RAB27B: variants seen among roughly 807,000 people sequenced by gnomAD.
RAB27B encodes the protein RAB27B, member RAS oncogene family.
In RAB27B, 15 loss-of-function variants were observed where a neutral mutation model predicts 24.6. The observed-to-expected ratio is 0.61, with a 90% CI of 0.41 to 0.94. RAB27B has a LOEUF of 0.94. Ranked by LOEUF, RAB27B falls within the 40% of genes least tolerant of loss-of-function variation. RAB27B has a pLI of 0.00. For missense variants in RAB27B, 261 were observed against 266.8 expected, an observed-to-expected ratio of 0.98 and a Z score of 0.15; for synonymous variants, 105 against 92.5, an observed-to-expected ratio of 1.14 and a Z score of -0.78.
intron 2 of RAB27B, among the ~76,000 whole-genome samples, chr18:54,814,995 C>T (rs1423225073): frequency 1.3e-5 from 2 of 152,112 alleles, no homozygotes; most frequent in East Asian, 3.9e-4. Context: ...CCCAACCCCA[C>T]CCTAAGAAGT....
At chr18:54,858,157 A>G (rs748781036) in intron 1 of RAB27B, among the ~76,000 whole-genome samples, 2 of 152,238 alleles carry the variant, frequency 1.3e-5, no homozygotes, top group Admixed American at 1.3e-4. Flanking sequence ...GGACAGTGCT[A>G]ACATTCTCCT....
intron 1 of RAB27B, among the ~76,000 whole-genome samples, chr18:54,848,124 C>T (rs1911412209): frequency 6.6e-6 from 1 of 152,212 alleles, no homozygotes; most frequent in Non-Finnish European, 1.5e-5. Context: ...AACTCAGTGA[C>T]TGGCACAGGT....
rs952969679 is a variant in RAB27B, at chr18:54,895,021, C to A, written c.*5608C>A. The A allele has an allele frequency of 1.3e-5, 2 of 151,950 alleles. No homozygotes were observed. The highest frequency in any genetic ancestry group is 4.8e-5 in the African/African-American group (2 of 41,396). 9.4% of individuals were successfully genotyped at this position (151,950 alleles called of 1,614,324 possible). A position where few individuals can be genotyped will look rare whatever the true frequency, so the allele number is the denominator to read the frequency against. ...TCTAGGTAGTATATTACAAGTTGGT[C>A]AAAATATTCCATGTACAAATAGGGC... is the stretch of plus-strand genomic sequence containing the variant. On this transcript the variant is annotated 3_prime_UTR_variant, in exon 6 of 6. Coordinates refer to ENST00000262094, the MANE Select transcript of RAB27B (RefSeq NM_004163.4).
At chr18:54,801,538 A>G (rs1365561227) in intron 2 of RAB27B, among the ~76,000 whole-genome samples, 2 of 152,140 alleles carry the variant, frequency 1.3e-5, no homozygotes, top group Admixed American at 6.6e-5. Context: ...ACTATTGCCC[A>G]TCTAGGCCTG....
intron 2 of RAB27B, among the ~76,000 whole-genome samples, chr18:54,727,340 A>G (rs1909570903): frequency 1.3e-5 from 2 of 152,136 alleles, no homozygotes; most frequent in Admixed American, 1.3e-4. Context: ...AGAACAGTAG[A>G]GAGTCAGGTG....
intron 1 of RAB27B, among the ~76,000 whole-genome samples, chr18:54,838,428 C>G (rs950384124): frequency 6.6e-6 from 1 of 152,002 alleles, no homozygotes; most frequent in African/African-American, 2.4e-5. Context: ...GGGGAATATT[C>G]TATTACATTT....
In RAB27B at chr18:54,849,901, A is replaced by C. The variant is rs182346968; in HGVS notation, c.-20+21201A>C. 1.6e-4 allele frequency among the ~76,000 whole-genome samples: 24 copies of C among 152,320 alleles called. No individual in the cohort carries two copies. The East Asian group carries it at 4.4e-3, about 28-fold the overall frequency. On this transcript the variant is annotated intron_variant, in intron 1 of 5. Transcript: ENST00000262094. ...TGGTTCCATCACTTAAGAGGCATTC[A>C]GCTGTTCTCTGGTAAATATTTACTC...
At chr18:54,874,886 G>C (rs1912630403) in intron 1 of RAB27B, among the ~76,000 whole-genome samples, 1 of 152,172 alleles carries the variant, frequency 6.6e-6, no homozygotes, top group Non-Finnish European at 1.5e-5. Context: ...AGGGAAAAAG[G>C]TAGAGTGATG....
intron 1 of RAB27B, among the ~76,000 whole-genome samples, chr18:54,862,541 T>C (rs1044408688): frequency 1.3e-4 from 20 of 152,188 alleles, no homozygotes; most frequent in African/African-American, 4.8e-4. Flanking sequence ...TGGATGAGGA[T>C]GGAGAAAAAT....
chr18:54,843,899 T>A (rs1911216267), intron 1 of RAB27B, among the ~76,000 whole-genome samples: 1 of 152,156 alleles, frequency 6.6e-6, no homozygotes, highest in South Asian at 2.1e-4. Flanking sequence ...TACACTATAA[T>A]CTGTAGGTTG....
At chr18:54,733,855 G>T (rs11151896) in intron 2 of RAB27B, among the ~76,000 whole-genome samples, 3 of 150,710 alleles carry the variant, frequency 2.0e-5, no homozygotes, top group African/African-American at 7.3e-5. Flanking sequence ...TGATTTAGGC[G>T]GTTAAGTTCT....
intron 2 of RAB27B, among the ~76,000 whole-genome samples, chr18:54,763,630 T>C (rs1908266437): frequency 6.6e-6 from 1 of 152,144 alleles, no homozygotes; most frequent in Admixed American, 6.6e-5. Flanking sequence ...CGATGTGAAG[T>C]GGATTCCTCT....
At chr18:54,742,406 A>G (rs903167967) in intron 2 of RAB27B, among the ~76,000 whole-genome samples, 3 of 152,330 alleles carry the variant, frequency 2.0e-5, no homozygotes, top group East Asian at 1.9e-4. Flanking sequence ...CTAAAAGTAC[A>G]TGTACATGAT....
intron 1 of RAB27B, among the ~76,000 whole-genome samples, chr18:54,851,482 A>C (rs12966457): frequency 6.6e-6 from 1 of 152,164 alleles, no homozygotes; most frequent in Non-Finnish European, 1.5e-5. Flanking sequence ...TTGCACAAGA[A>C]TTAGCATACT....
chr18:54,836,281 T>C (rs1910890027), intron 1 of RAB27B, among the ~76,000 whole-genome samples: 1 of 151,970 alleles, frequency 6.6e-6, no homozygotes, highest in Non-Finnish European at 1.5e-5. Context: ...TCCCAGCAGA[T>C]CTTCTTATCA....
chr18:54,731,581 G>A (rs957028340), intron 2 of RAB27B, among the ~76,000 whole-genome samples: 32 of 152,136 alleles, frequency 2.1e-4, no homozygotes, highest in African/African-American at 7.2e-4. Context: ...TTAGCCAGGT[G>A]TGGTGGCGCA....
upstream of RAB27B, among the ~76,000 whole-genome samples, chr18:54,824,473 A>C (rs912417854): frequency 1.3e-5 from 2 of 152,174 alleles, no homozygotes; most frequent in African/African-American, 4.8e-5. Context: ...TAGCCATGTC[A>C]CACCCTAATT....
chr18:54,850,333 G>A (rs1598959037), intron 1 of RAB27B, among the ~76,000 whole-genome samples: 1 of 95,156 alleles, frequency 1.1e-5, no homozygotes, highest in African/African-American at 4.7e-5. Flanking sequence ...AAACAAACAG[G>A]ATATATATAT....
rs372498800 is a variant in RAB27B, at chr18:54,879,352, A to C, written c.154-17A>C. ...AAATCCAAAGCAACCTCAACTAATG[A>C]ACGTTGTATCTTTCAGGTTTATAAT... On this transcript the variant is annotated splice_polypyrimidine_tract_variant and intron_variant, in intron 2 of 5. Coordinates refer to ENST00000262094, the MANE Select transcript of RAB27B (RefSeq NM_004163.4). 1.6e-5 allele frequency: 25 copies of C among 1,592,550 alleles called. No individual in the cohort carries two copies. In the African/African-American group the frequency reaches 3.2e-4, roughly 21 times the overall value.
Sources: allele counts gnomAD v4.1 joint callset (sites outside exome capture counted in the v4.1 genomes callset), GRCh38; gene constraint gnomAD v4.1.1; transcripts MANE v1.5; gene names NCBI Gene and HGNC (gene_info 2026-07-23, HGNC 2026-07-21).